The following GNAS variants were observed in gnomAD, a reference collection of about 807,000 sequenced individuals.
GNAS encodes protein ALEX.
GNAS carries 8 observed loss-of-function variants against 54.5 expected under a neutral mutation model. The ratio of observed to expected loss-of-function variants is 0.15; its 90% CI spans 0.09 to 0.26. The LOEUF is 0.26. GNAS is among the 10% of genes least tolerant of loss of function. The pLI is 1.00. For missense variants in GNAS, 170 were observed against 529.8 expected (o/e 0.32, Z 6.67); for synonymous variants, 204 against 191.4 (o/e 1.07, Z -0.54).
intron 1 of GNAS, among the ~76,000 whole-genome samples, chr20:58,851,399 G>A (rs775292966): frequency 6.6e-6 from 1 of 152,126 alleles, no homozygotes; most frequent in Non-Finnish European, 1.5e-5. Flanking sequence ...AGCCCGCCCT[G>A]TGTAACTCAT....
chr20:58,891,920 C>A, intron 1 of GNAS, 55 bp downstream of exon 1: 1 of 951,378 alleles, frequency 1.1e-6, no homozygotes, highest in South Asian at 4.7e-5. Context: ...AAGGGCGCCC[C>A]GCAGGCCGCG....
chr20:58,839,988 C>A (rs1389571493), upstream of GNAS: 13 of 1,129,480 alleles, frequency 1.2e-5, no homozygotes, highest in Non-Finnish European at 9.1e-6. Flanking sequence ...GCTGGGACCT[C>A]CGGGCCAGCT....
intron 1 of GNAS, among the ~76,000 whole-genome samples, chr20:58,846,945 C>G (rs2085963268): frequency 6.6e-6 from 1 of 152,174 alleles, no homozygotes; most frequent in Non-Finnish European, 1.5e-5. Flanking sequence ...CCACTTTTGC[C>G]TCTCTCTTAG....
rs2090977298 is a variant in GNAS, at chr20:58,905,472, T to A, written c.522T>A (p.Cys174Ter). 1 of 1,573,700 alleles carries A rather than the reference T, an allele frequency of 6.4e-7. No individual in the cohort carries two copies. The highest frequency in any genetic ancestry group is 8.7e-7 in the Non-Finnish European group (1 of 1,142,954). The change falls in exon 6 of 13, where the codon TGT becomes TGA. Residue 174 changes from cysteine (C) to a stop codon, truncating the protein, a stop_gained. Coordinates refer to ENST00000371085, the MANE Select transcript of GNAS (RefSeq NM_000516.7). LOFTEE classifies it high-confidence loss of function. ...ERSNEYQLID[C>*]AQYFLDKIDV... ...CCAACGAGTACCAGCTGATTGACTGTGCCCAGTAGTAAGTAACCGCCACCC... is the reference window on the plus strand; with the variant it reads ...CCAACGAGTACCAGCTGATTGACTGAGCCCAGTAGTAAGTAACCGCCACCC...
intron 1 of GNAS, among the ~76,000 whole-genome samples, chr20:58,845,214 T>C (rs1272058172): frequency 1.3e-5 from 2 of 152,190 alleles, no homozygotes; most frequent in Non-Finnish European, 2.9e-5. Context: ...ACAAGTGCTG[T>C]TGAAAGTTTT....
chr20:58,885,803 C>A (rs2088552909), intron 1 of GNAS, among the ~76,000 whole-genome samples: 1 of 152,220 alleles, frequency 6.6e-6, no homozygotes, highest in African/African-American at 2.4e-5. Flanking sequence ...GTCATTCTAG[C>A]TAATTAAAGT....
chr20:58,853,281 T>A lies in GNAS; in HGVS notation c.43+12395T>A, dbSNP rs1183280127. 4 of 1,547,776 alleles carry A rather than the reference T, an allele frequency of 2.6e-6. No homozygotes were observed. The highest frequency in any genetic ancestry group is 1.4e-5 in the African/African-American group (1 of 72,950). On this transcript the variant is annotated intron_variant, in intron 1 of 12. Transcript: ENST00000306090. The surrounding 1 kb of genome is among the most constrained non-coding windows in gnomAD (Gnocchi z 4.4). ...CCACCGTGTTATGGGCGTGCGCAAC[T>A]GCCTCTACGGCAATAATATGTCAGG...
At chr20:58,875,480 G>C (rs1393405394) in intron 1 of GNAS, among the ~76,000 whole-genome samples, 1 of 152,214 alleles carries the variant, frequency 6.6e-6, no homozygotes, top group Non-Finnish European at 1.5e-5. Flanking sequence ...GGGGAACAGG[G>C]GAGAGCATTT....
rs752929649 is a variant in GNAS, at chr20:58,854,830, C to T, written c.43+13944C>T. On this transcript the variant is annotated intron_variant, in intron 1 of 12. Coordinates refer to the GNAS transcript ENST00000306090. ...GCCTCTGCAGCCCCTGCCTCCGGGG[C>T]CAGACGCAAGATCCATCTCAGACCC... 6.3e-7 allele frequency: 1 copy of T among 1,594,474 alleles called. No individual in the cohort carries two copies. The highest frequency in any genetic ancestry group is 1.7e-4 in the Middle Eastern group (1 of 6,046).
At chr20:58,840,735 C>T (rs2085684057), upstream of GNAS, 1 of 1,604,932 alleles carries the variant, frequency 6.2e-7, no homozygotes, top group Non-Finnish European at 8.5e-7. This position sits in a 1 kb window ranked among gnomAD's most constrained non-coding sequence, Gnocchi z 6.0. Flanking sequence ...TCGAAGGAGC[C>T]CAAGGAGGAG....
intron 1 of GNAS, chr20:58,884,614 T>G (rs2088465197): frequency 6.6e-6 from 1 of 152,224 alleles, no homozygotes; most frequent in South Asian, 2.1e-4. Context: ...CCTACATTAT[T>G]CTCCATCCTG....
chr20:58,896,133 A>C (rs1336598220), intron 2 of GNAS, among the ~76,000 whole-genome samples: 2 of 152,152 alleles, frequency 1.3e-5, no homozygotes, highest in African/African-American at 4.8e-5. Flanking sequence ...TAATGAACCA[A>C]CACAGGATGT....
chr20:58,843,808 T>C (rs1057354647), intron 1 of GNAS, among the ~76,000 whole-genome samples: 4 of 152,204 alleles, frequency 2.6e-5, no homozygotes, highest in Admixed American at 1.3e-4. Flanking sequence ...ACTGAACTTA[T>C]CTGAGCTGGG....
At chr20:58,855,732 G>A in intron 1 of GNAS, 1 of 626,394 alleles carries the variant, frequency 1.6e-6, no homozygotes, top group African/African-American at 1.8e-5. Context: ...TGGGGTCATT[G>A]GGGAAGGCGC....
chr20:58,871,613 G>GAAAAAAAAAAAAAAAA (rs757702769), intron 1 of GNAS, among the ~76,000 whole-genome samples: 6 of 32,708 alleles, frequency 1.8e-4, no homozygotes, highest in Non-Finnish European at 2.9e-4. Context: ...ATACTCCGTC[G>GAAAAAAAAAAAAAAAA]AAAAAAAAAA....
intron 1 of GNAS, chr20:58,850,835 AC>A: frequency 2.5e-6 from 1 of 398,396 alleles, no homozygotes; most frequent in Non-Finnish European, 4.4e-6. Flanking sequence ...GCCGCCATAC[AC>A]CCGCCCCCCA....
upstream of GNAS, among the ~76,000 whole-genome samples, chr20:58,887,013 C>G (rs193087260): frequency 1.3e-5 from 2 of 152,190 alleles, no homozygotes; most frequent in Non-Finnish European, 2.9e-5. Context: ...ACAATAGTCC[C>G]AATTGTGCCT....
chr20:58,886,427 A>T (rs562149305), upstream of GNAS, among the ~76,000 whole-genome samples: 25 of 152,260 alleles, frequency 1.6e-4, 1 homozygote, highest in South Asian at 5.0e-3. Flanking sequence ...TATACCCAAG[A>T]TATTCTGCCC....
In GNAS at chr20:58,856,893, A is replaced by G. The variant is rs2086541749; in HGVS notation, c.43+16007A>G. ...AGCAAGACCCTCTCCTGTATCTCCC[A>G]GTCTTTCCCTGGCCATTCCCAGTTC... On this transcript the variant is annotated intron_variant, in intron 1 of 12. Transcript: ENST00000306090. This position sits in a 1 kb window ranked among gnomAD's most constrained non-coding sequence, Gnocchi z 4.2. The G allele has an allele frequency of 1.5e-5, 2 of 137,876 alleles. No homozygotes were observed. The highest frequency in any genetic ancestry group is 7.5e-5 in the Admixed American group (1 of 13,288). The allele number at this position is 137,876 out of a possible 1,614,324, so 8.5% of individuals were successfully genotyped here.
Sources: gnomAD v4.1 joint callset for allele counts (sites outside exome capture counted in the v4.1 genomes callset) on GRCh38, gnomAD v4.1.1 for gene constraint, Gnocchi (gnomAD v3.1) non-coding constraint, MANE v1.5 for transcripts, NCBI Gene and HGNC (gene_info 2026-07-23, HGNC 2026-07-21) for gene names.